WDR53: variants seen among roughly 807,000 people sequenced by gnomAD.
WDR53 encodes the protein WD repeat-containing protein 53.
WDR53 carries 19 observed loss-of-function variants against 21.3 expected under a neutral mutation model. The ratio of observed to expected loss-of-function variants is 0.89; its 90% CI spans 0.62 to 1.31. The LOEUF is 1.31. WDR53 is among the 50% of genes most tolerant of loss of function. The pLI, the probability that WDR53 is intolerant of heterozygous loss-of-function variation, is 0.00. For synonymous variants in WDR53, 157 were observed against 163.4 expected, an observed-to-expected ratio of 0.96 and a Z score of 0.30; for missense variants, 374 against 423.2, an observed-to-expected ratio of 0.88 and a Z score of 1.02.
intron 2 of WDR53, among the ~76,000 whole-genome samples, chr3:196,566,247 G>A (rs989329293): frequency 6.6e-6 from 1 of 151,558 alleles, no homozygotes; most frequent in South Asian, 2.1e-4. Context: ...GCACCACCAC[G>A]CCCAGCTAAT....
chr3:196,568,464 A>ACAGCATCGAAGTCACCGGAAAG (rs952898129), intron 1 of WDR53, 55 bp downstream of exon 1: 4 of 152,984 alleles, frequency 2.6e-5, no homozygotes, highest in Non-Finnish European at 4.4e-5. Context: ...GCACTGGAAA[A>ACAGCATCGAAGTCACCGGAAAG]CAGCATCGAA....
intron 3 of WDR53, among the ~76,000 whole-genome samples, chr3:196,560,629 A>G (rs1734744190): frequency 7.1e-6 from 1 of 140,108 alleles, no homozygotes; most frequent in South Asian, 2.1e-4. Flanking sequence ...CAGAACTTTA[A>G]AGTAAAAACA....
Position 196,561,383 on chromosome 3 carries a change from T to G in WDR53, c.93A>C (p.Gly31=). The G allele has an allele frequency of 5.0e-6, 8 of 1,614,032 alleles. No individual in the cohort carries two copies. The highest frequency in any genetic ancestry group is 6.8e-6 in the Non-Finnish European group (8 of 1,180,014). The part of the protein sequence containing the change: ...EGLLASGAEG[G]DLTAWGEDGT... ...CATCTTCACCCCAAGCCGTGAGATC[T>G]CCGCCCTCTGCTCCAGAAGCCAGCA... The change falls in exon 3 of 4, where the codon GGA becomes GGC. Residue 31 remains glycine (G), a synonymous_variant. Coordinates refer to ENST00000332629, the MANE Select transcript of WDR53 (RefSeq NM_182627.3).
In WDR53 at chr3:196,566,866, G is replaced by T; in HGVS notation, c.-17+11C>A. 4.9e-6 allele frequency: 1 copy of T among 203,500 alleles called. No homozygotes were observed. Among genetic ancestry groups the T allele is most frequent in the South Asian group, 6.8e-5 (1 of 14,814 alleles). 12.6% of individuals were successfully genotyped at this position (203,500 alleles called of 1,614,324 possible). ...AAAAAGAAAAGGAGGGGTTGAGAAG[G>T]GTAATCTTACTTTGAAATTCTACCT... On this transcript the variant is annotated intron_variant, in intron 2 of 3. Coordinates refer to ENST00000332629, the MANE Select transcript of WDR53 (RefSeq NM_182627.3).
intron 2 of WDR53, among the ~76,000 whole-genome samples, chr3:196,564,747 AG>A (rs1327549794): frequency 1.1e-4 from 17 of 152,186 alleles, no homozygotes; most frequent in Non-Finnish European, 5.9e-5. Context: ...CTTTGAAGTC[AG>A]GAAGTCTGTA....
chr3:196,564,597 A>G (rs1735206556), intron 2 of WDR53, among the ~76,000 whole-genome samples: 1 of 151,944 alleles, frequency 6.6e-6, no homozygotes, highest in Non-Finnish European at 1.5e-5. Context: ...TCCTGGGCTC[A>G]AGTGATCCTC....
chr3:196,568,165 G>A (rs1459790498), intron 1 of WDR53, among the ~76,000 whole-genome samples: 1 of 152,150 alleles, frequency 6.6e-6, no homozygotes, highest in Non-Finnish European at 1.5e-5. Flanking sequence ...ACGTTTGGGC[G>A]AGGGGGTGTT....
Position 196,561,217 on chromosome 3 carries a change from A to T in WDR53, c.259T>A (p.Leu87Met). The T allele has an allele frequency of 6.2e-7, 1 of 1,614,254 alleles. No individual in the cohort carries two copies. Among genetic ancestry groups the T allele is most frequent in the Non-Finnish European group, 8.5e-7 (1 of 1,180,058 alleles). ...VLDVRSLKDS[L>M]DHFHVNEEEI... ...TCTTCATTCACATGAAAATGGTCCA[A>T]GGAATCTTTGAGGGACCTGACATCC... The change falls in exon 3 of 4, where the codon TTG becomes ATG. Residue 87 changes from leucine to methionine, a missense_variant. By Grantham distance (15) the Leu-to-Met change is conservative. Transcript: ENST00000332629.
rs1734799511 is a variant in WDR53, at chr3:196,561,099, T to C, written c.377A>G (p.Lys126Arg). The C allele has an allele frequency of 5.6e-6, 9 of 1,614,256 alleles. No homozygotes were observed. In the East Asian group the frequency reaches 1.8e-4, roughly 32 times the overall value. The stretch of plus-strand genomic sequence containing the variant: ...TCTCTTCAAGGATCTGATAACTTTC[T>C]TGTTTTCCAAGTCTAGGATTTTGAT... ...GAIKILDLEN[K>R]KVIRSLKRHS... The change falls in exon 3 of 4, where the codon AAG (lysine) becomes AGG (arginine). Residue 126 changes from lysine to arginine, a missense_variant. By Grantham distance (26) the Lys-to-Arg change is conservative. Transcript: ENST00000332629.
intron 2 of WDR53, among the ~76,000 whole-genome samples, chr3:196,566,216 A>G (rs979026345): frequency 2.0e-5 from 3 of 151,864 alleles, no homozygotes; most frequent in Admixed American, 2.0e-4. Flanking sequence ...CAGTCTCCCA[A>G]GTAGCTGGGA....
intron 2 of WDR53, 119 bp from the exon 3 acceptor site, chr3:196,561,610 AACTC>A: frequency 9.0e-7 from 1 of 1,111,078 alleles, no homozygotes; most frequent in Admixed American, 3.6e-5. Context: ...ATCTTAAAAA[AACTC>A]AATTAATTAA....
intron 3 of WDR53, among the ~76,000 whole-genome samples, chr3:196,560,141 A>C (rs955572705): frequency 6.6e-6 from 1 of 152,222 alleles, no homozygotes; most frequent in African/African-American, 2.4e-5. Context: ...ATGAAAACTA[A>C]GAATTAAACA....
intron 1 of WDR53, 86 bp downstream of exon 1, chr3:196,568,433 C>T (rs1735653133): frequency 1.3e-5 from 2 of 153,130 alleles, no homozygotes; most frequent in African/African-American, 2.4e-5. Context: ...CGCGGAGCCA[C>T]CAGACCAGAA....
At position 196,563,790 on chromosome 3, in the gene WDR53, T is replaced by G. The variant is rs149839539; in HGVS notation, c.-16-2299A>C. Among the ~76,000 whole-genome samples the G allele has an allele frequency of 3.7e-3, 567 of 152,298 alleles. 2 individuals are homozygous for G. The highest frequency in any genetic ancestry group is 0.013 in the African/African-American group (537 of 41,558). On this transcript the variant is annotated intron_variant, in intron 2 of 3. Coordinates refer to ENST00000332629, the MANE Select transcript of WDR53 (RefSeq NM_182627.3). ...TTTCACCATGTTGGCCAGGCTGGTC[T>G]TGAACTTCTGACCTTACATGATCCA...
chr3:196,559,479 G>A (rs1191146489), intron 3 of WDR53, among the ~76,000 whole-genome samples: 2 of 152,166 alleles, frequency 1.3e-5, no homozygotes, highest in Non-Finnish European at 2.9e-5. Context: ...GCTTGCAGGA[G>A]AGGGGAACAG....
intron 3 of WDR53, among the ~76,000 whole-genome samples, chr3:196,556,382 C>CA (rs890630625): frequency 1.3e-5 from 2 of 152,234 alleles, no homozygotes; most frequent in Non-Finnish European, 2.9e-5. Flanking sequence ...CACGGCTGGG[C>CA]ACGGTGGCTC....
chr3:196,561,610 A>C (rs1028817610), intron 2 of WDR53, 119 bp from the exon 3 acceptor site: 2 of 1,111,076 alleles, frequency 1.8e-6, no homozygotes, highest in Admixed American at 7.1e-5. Context: ...ATCTTAAAAA[A>C]ACTCAATTAA....
intron 3 of WDR53, among the ~76,000 whole-genome samples, chr3:196,559,325 G>T (rs1190141580): frequency 6.6e-6 from 1 of 152,208 alleles, no homozygotes; most frequent in Non-Finnish European, 1.5e-5. Flanking sequence ...GAAGATAGAG[G>T]TTGTAGGGTC....
chr3:196,563,569 A>T (rs1181677051), intron 2 of WDR53, among the ~76,000 whole-genome samples: 2 of 136,134 alleles, frequency 1.5e-5, no homozygotes, highest in Non-Finnish European at 3.1e-5. Context: ...CATTCCCAAC[A>T]CAAAGCTTTT....
Sources: gnomAD v4.1 joint callset for allele counts (sites outside exome capture counted in the v4.1 genomes callset) on GRCh38, gnomAD v4.1.1 for gene constraint, MANE v1.5 for transcripts, NCBI Gene and HGNC (gene_info 2026-07-23, HGNC 2026-07-21) for gene names.